KMT2C: variants seen among roughly 807,000 people sequenced by gnomAD.
KMT2C encodes lysine methyltransferase 2C.
KMT2C carries 88 observed loss-of-function variants against 507.9 expected under a neutral mutation model. That is an observed-to-expected ratio of 0.17 (90% CI 0.15 to 0.21). KMT2C has a LOEUF of 0.21. Ranked by LOEUF, KMT2C falls within the 10% of genes least tolerant of loss-of-function variation. The pLI is 1.00. For synonymous variants in KMT2C, 2,049 were observed against 2,080.8 expected (o/e 0.98, Z 0.42); for missense variants, 4,954 against 5,957.8 (o/e 0.83, Z 5.55).
At chr7:152,391,911 C>A (rs2097502170) in intron 1 of KMT2C, among the ~76,000 whole-genome samples, 2 of 152,082 alleles carry the variant, frequency 1.3e-5, no homozygotes, top group African/African-American at 4.8e-5. Context: ...TGGAAAAATT[C>A]TAGCTTTATC....
chr7:152,273,136 T>C (rs1194993766), intron 7 of KMT2C, among the ~76,000 whole-genome samples: 2 of 152,182 alleles, frequency 1.3e-5, no homozygotes, highest in Non-Finnish European at 2.9e-5. Context: ...AACATTTTCA[T>C]TGAATTATAA....
At chr7:152,158,797 G>C in intron 44 of KMT2C, 66 bp downstream of exon 44, 1 of 1,453,026 alleles carries the variant, frequency 6.9e-7, no homozygotes, top group Non-Finnish European at 9.7e-7. Flanking sequence ...TTACAGGCAT[G>C]AGCCACTGCC....
chr7:152,159,380 T>A (rs1310972262), intron 43 of KMT2C, among the ~76,000 whole-genome samples: 1 of 152,198 alleles, frequency 6.6e-6, no homozygotes, highest in Non-Finnish European at 1.5e-5. Flanking sequence ...GGGGAACCCC[T>A]TATTCCTGCT....
rs1306019429 is a variant in KMT2C at position 152,150,971 on chromosome 7, T to C, written c.12703A>G (p.Ile4235Val). ...RESTKRVEKD[I>V]VFCSNNCFIL... is the part of the protein sequence containing the mutation. ...AAGCAGTTATTACTACAGAAGACAA[T>C]GTCCTTCTCTACCCTCTTGGTGCTT... The change falls in exon 51 of 59, where the codon ATT becomes GTT. Residue 4235 changes from isoleucine to valine, a missense_variant. Ile to Val is a conservative substitution (Grantham distance 29). Transcript: ENST00000262189. 6.2e-7 allele frequency: 1 copy of C among 1,613,208 alleles called. No homozygotes were observed. Among genetic ancestry groups the C allele is most frequent in the South Asian group, 1.1e-5 (1 of 90,996 alleles).
rs180850032 is a variant in KMT2C at position 152,341,389 on chromosome 7, A to T, written c.251-10650T>A. Among the ~76,000 whole-genome samples the T allele has an allele frequency of 8.5e-5, 13 of 152,364 alleles. 2 individuals are homozygous for T. The highest frequency in any genetic ancestry group is 2.6e-4 in the African/African-American group (11 of 41,598). On this transcript the variant is annotated intron_variant, in intron 2 of 58. Coordinates refer to ENST00000262189, the MANE Select transcript of KMT2C (RefSeq NM_170606.3). ...AAATTATGTATGGCTTATCAAAGAC[A>T]TATAGGTGTCTTTGCTTCACCATCT...
intron 31 of KMT2C, among the ~76,000 whole-genome samples, chr7:152,188,431 G>A (rs1453533808): frequency 1.3e-5 from 2 of 151,972 alleles, no homozygotes; most frequent in Non-Finnish European, 2.9e-5. Context: ...TTCCTGGTAT[G>A]CAGTAACTAT....
chr7:152,396,874 A>G (rs1420306988), intron 1 of KMT2C, among the ~76,000 whole-genome samples: 1 of 152,220 alleles, frequency 6.6e-6, no homozygotes. Context: ...GTCCTCTTCG[A>G]TGAGAGAACT....
chr7:152,321,234 AAAATAAAT>A (rs781567669), intron 3 of KMT2C, among the ~76,000 whole-genome samples: 7 of 151,734 alleles, frequency 4.6e-5, no homozygotes, highest in Admixed American at 2.0e-4. Flanking sequence ...CCCTTTCAAG[AAAATAAAT>A]AAATAAATAA....
chr7:152,374,492 T>C (rs770563196), intron 1 of KMT2C, among the ~76,000 whole-genome samples: 2 of 151,750 alleles, frequency 1.3e-5, no homozygotes, highest in African/African-American at 2.4e-5. Flanking sequence ...ACTAAACAAT[T>C]TTAGAAATGG....
At chr7:152,311,667 AT>A in intron 5 of KMT2C, 130 bp downstream of exon 5, 1 of 672,668 alleles carries the variant, frequency 1.5e-6, no homozygotes, top group Non-Finnish European at 2.3e-6. Flanking sequence ...ATATTTAATA[AT>A]GATTTTTTTA....
chr7:152,322,181 G>A lies in KMT2C; in HGVS notation c.390-6843C>T, dbSNP rs1356862060. ...AGTCTGAAACCAGCCTGGGCAACAT[G>A]GTGAAACCCCGTCTCTACTAAAAAT... On this transcript the variant is annotated intron_variant, in intron 3 of 58. Coordinates refer to ENST00000262189, the MANE Select transcript of KMT2C (RefSeq NM_170606.3). 2.0e-5 allele frequency among the ~76,000 whole-genome samples: 3 copies of A among 151,808 alleles called. No individual in the cohort carries two copies. The East Asian group carries it at 5.8e-4, about 29-fold the overall frequency.
intron 3 of KMT2C, among the ~76,000 whole-genome samples, chr7:152,329,168 T>C (rs190602616): frequency 1.8e-4 from 28 of 152,232 alleles, no homozygotes; most frequent in African/African-American, 6.5e-4. Flanking sequence ...GACTTATCCT[T>C]AAGAACTCCA....
chr7:152,306,051 TA>T (rs1327879391), intron 6 of KMT2C, among the ~76,000 whole-genome samples: 2 of 152,220 alleles, frequency 1.3e-5, no homozygotes, highest in Non-Finnish European at 2.9e-5. Context: ...GTGTAAATAT[TA>T]AAAAACATGA....
At position 152,187,441 on chromosome 7, in the gene KMT2C, T is replaced by C. The variant is rs1350923248; in HGVS notation, c.4829A>G (p.Asp1610Gly). 1 of 1,613,974 alleles carries C rather than the reference T, an allele frequency of 6.2e-7. No individual in the cohort carries two copies. Among genetic ancestry groups the C allele is most frequent in the East Asian group, 2.2e-5 (1 of 44,884 alleles). ...TGATGATGTCCAAGAGTTGTTAGGA[T>C]CACTTGCCATTGGATTAAAGGCTGA... ...KNSAFNPMAS[D>G]PNNSWTSSAP... Residue 1610 changes from aspartate to glycine, a missense_variant, in exon 33 of 59, where the codon GAT (aspartate) becomes GGT (glycine). By Grantham distance (94) the Asp-to-Gly change is moderately conservative (BLOSUM62 -1). This residue lies in a region of KMT2C where 195 missense variants were observed against 183.7 expected (regional missense o/e 1.06). Coordinates refer to ENST00000262189, the MANE Select transcript of KMT2C (RefSeq NM_170606.3).
At chr7:152,238,162 A>G (rs1210259316) in intron 15 of KMT2C, among the ~76,000 whole-genome samples, 1 of 152,312 alleles carries the variant, frequency 6.6e-6, no homozygotes, top group East Asian at 1.9e-4. Flanking sequence ...TCTCCAGTCA[A>G]TGAAGTATTT....
rs2129124759 is a variant in KMT2C at position 152,187,443 on chromosome 7, A to C, written c.4827T>G (p.Ser1609Arg). 1 of 1,614,098 alleles carries C rather than the reference A, an allele frequency of 6.2e-7. No homozygotes were observed. ...DKNSAFNPMASDPNNSWTSSA... is the reference protein window; with the variant it reads ...DKNSAFNPMARDPNNSWTSSA... ...ATGATGTCCAAGAGTTGTTAGGATC[A>C]CTTGCCATTGGATTAAAGGCTGAAT... Residue 1609 changes from serine (S) to arginine (R), a missense_variant, in exon 33 of 59, where the codon AGT becomes AGG. Transcript: ENST00000262189.
intron 1 of KMT2C, among the ~76,000 whole-genome samples, chr7:152,417,484 T>C (rs1303460016): frequency 6.6e-6 from 1 of 152,212 alleles, no homozygotes; most frequent in African/African-American, 2.4e-5. Flanking sequence ...AAAGATGTTA[T>C]TATCATCCCT....
Position 152,337,535 on chromosome 7 carries a change from G to A in KMT2C, c.251-6796C>T, listed in dbSNP as rs564480757. Among the ~76,000 whole-genome samples, 8 of 152,148 alleles carry A rather than the reference G, an allele frequency of 5.3e-5. No individual in the cohort carries two copies. The East Asian group carries it at 9.6e-4, about 18-fold the overall frequency. ...ATGAGAAAGTTTAATAGCAAAAGGT[G>A]TCTGCTGTGTTAGTTAAAACCAAAG... On this transcript the variant is annotated intron_variant, in intron 2 of 58. Coordinates refer to ENST00000262189, the MANE Select transcript of KMT2C (RefSeq NM_170606.3).
At chr7:152,259,757 C>T (rs576678694) in intron 9 of KMT2C, among the ~76,000 whole-genome samples, 1 of 152,300 alleles carries the variant, frequency 6.6e-6, no homozygotes, top group African/African-American at 2.4e-5. Flanking sequence ...CAGGGAGCAG[C>T]CCCAAACTAG....
Sources: allele counts gnomAD v4.1 joint callset (sites outside exome capture counted in the v4.1 genomes callset), GRCh38; gene constraint gnomAD v4.1.1; regional missense constraint gnomAD v4.1.1; transcripts MANE v1.5; gene names NCBI Gene and HGNC (gene_info 2026-07-23, HGNC 2026-07-21).